Variants in KAZN observed in about 807,000 individuals in gnomAD.
KAZN encodes the protein kazrin.
KAZN carries 40 observed loss-of-function variants against 87.4 expected under a neutral mutation model. The ratio of observed to expected loss-of-function variants is 0.46; its 90% CI spans 0.36 to 0.60. The LOEUF (loss-of-function observed/expected upper bound fraction) is 0.60. Ranked by LOEUF, KAZN falls within the 20% of genes least tolerant of loss-of-function variation. KAZN has a pLI of 0.00. For missense variants in KAZN, 898 were observed against 1,073.9 expected, an observed-to-expected ratio of 0.84 and a Z score of 2.29; for synonymous variants, 466 against 458.3, an observed-to-expected ratio of 1.02 and a Z score of -0.22.
intron 1 of KAZN, among the ~76,000 whole-genome samples, chr1:14,635,845 ACCCAGCATGCCAGTGG>A (rs1679939326): frequency 1.3e-5 from 2 of 152,166 alleles, no homozygotes; most frequent in Non-Finnish European, 2.9e-5. Flanking sequence ...CCAGCCCTCT[ACCCAGCATGCCAGTGG>A]TGCCAAGGTT....
At chr1:14,528,175 TA>T (rs1027395179) in intron 2 of KAZN, among the ~76,000 whole-genome samples, 7 of 151,176 alleles carry the variant, frequency 4.6e-5, no homozygotes, top group African/African-American at 1.7e-4. Flanking sequence ...TCATCTCTAC[TA>T]AAAATACAAA....
chr1:14,907,136 C>G (rs2101341509), intron 1 of KAZN, among the ~76,000 whole-genome samples: 1 of 152,122 alleles, frequency 6.6e-6, no homozygotes, highest in East Asian at 1.9e-4. Context: ...TGGCTCATAC[C>G]TGTAATCCCA....
chr1:14,880,997 G>A (rs1653280082), intron 1 of KAZN, among the ~76,000 whole-genome samples: 1 of 152,202 alleles, frequency 6.6e-6, no homozygotes, highest in Admixed American at 6.5e-5. Flanking sequence ...AAAACAATGA[G>A]GTAAGAAAAC....
chr1:15,102,104 A>G (rs560211371), intron 11 of KAZN, among the ~76,000 whole-genome samples: 2 of 152,334 alleles, frequency 1.3e-5, no homozygotes, highest in South Asian at 4.1e-4. Flanking sequence ...AGAGAGAACC[A>G]CAAGGAAGCT....
chr1:14,665,482 T>C (rs1016230170), intron 1 of KAZN, among the ~76,000 whole-genome samples: 1 of 152,156 alleles, frequency 6.6e-6, no homozygotes, highest in African/African-American at 2.4e-5. Flanking sequence ...GCTATACATT[T>C]ATATTTGCTG....
intron 8 of KAZN, among the ~76,000 whole-genome samples, chr1:15,068,535 G>A (rs1019334445): frequency 9.2e-5 from 14 of 151,920 alleles, no homozygotes; most frequent in African/African-American, 3.1e-4. Context: ...GTTACTTCCC[G>A]CAGACCTCCG....
chr1:14,569,320 C>CTTTTTTTTTTTTTTTTTTTTT lies in KAZN; in HGVS notation c.250-29643_250-29642insTTTTTTTTTTTTTTTTTTTTT, dbSNP rs35144232. ...TCCTCTACCTCCTCTACTTCCTCTG[C>CTTTTTTTTTTTTTTTTTTTTT]TTTTTTTTTTTTTTTTTTTTGAGAC... On this transcript the variant is annotated intron_variant, in intron 2 of 16. Coordinates refer to the KAZN transcript ENST00000636203. Among the ~76,000 whole-genome samples, 3 of 92,322 alleles carry CTTTTTTTTTTTTTTTTTTTTT rather than the reference C, an allele frequency of 3.2e-5. 1 individual carries two copies. The highest frequency in any genetic ancestry group is 1.4e-4 in the African/African-American group (3 of 22,062). The allele number at this position is 92,322 out of a possible 152,430, so 60.6% of individuals were successfully genotyped here.
At chr1:14,371,078 A>G (rs1660441276) in intron 2 of KAZN, among the ~76,000 whole-genome samples, 1 of 152,168 alleles carries the variant, frequency 6.6e-6, no homozygotes, top group South Asian at 2.1e-4. Context: ...AGCCTCTAGC[A>G]TAGTTGTTCT....
At chr1:14,728,395 T>C (rs1422827639) in intron 1 of KAZN, among the ~76,000 whole-genome samples, 2 of 150,658 alleles carry the variant, frequency 1.3e-5, no homozygotes, top group East Asian at 2.0e-4. Context: ...GCAAATAAGA[T>C]GAAGCTTCAC....
intron 1 of KAZN, among the ~76,000 whole-genome samples, chr1:14,077,716 T>A (rs1643515826): frequency 6.6e-6 from 1 of 152,202 alleles, no homozygotes; most frequent in Admixed American, 6.5e-5. Context: ...GTGAATGTGA[T>A]CTTATTTAGG....
At chr1:14,312,998 ATATTGTTTCAAGCTAC>A (rs147314562) in intron 2 of KAZN, among the ~76,000 whole-genome samples, 3,859 of 152,270 alleles carry the variant, frequency 0.025, 173 homozygotes, top group African/African-American at 0.088. Flanking sequence ...GAGATTGTAA[ATATTGTTTCAAGCTAC>A]TACATTTTGG....
At chr1:14,609,880 C>T (rs1342269462) in intron 1 of KAZN, among the ~76,000 whole-genome samples, 1 of 152,234 alleles carries the variant, frequency 6.6e-6, no homozygotes, top group Non-Finnish European at 1.5e-5. Flanking sequence ...ACCAACTTCC[C>T]CTCCCTTTCT....
At chr1:14,683,611 C>T (rs1317824075) in intron 1 of KAZN, among the ~76,000 whole-genome samples, 4 of 152,170 alleles carry the variant, frequency 2.6e-5, no homozygotes, top group East Asian at 1.9e-4. Context: ...TATTCACGAC[C>T]CATTTATTAA....
chr1:14,792,326 C>A (rs1017467314), intron 1 of KAZN, among the ~76,000 whole-genome samples: 1 of 152,148 alleles, frequency 6.6e-6, no homozygotes, highest in African/African-American at 2.4e-5. Context: ...TGCAAAAAAC[C>A]CAAATGTCCA....
chr1:14,285,978 A>G (rs1349379188), intron 2 of KAZN, among the ~76,000 whole-genome samples: 1 of 152,118 alleles, frequency 6.6e-6, no homozygotes, highest in African/African-American at 2.4e-5. Flanking sequence ...TCAAGAATGC[A>G]CAGGGGCTCA....
chr1:14,019,435 T>C (rs1640723759), intron 1 of KAZN, among the ~76,000 whole-genome samples: 1 of 152,194 alleles, frequency 6.6e-6, no homozygotes, highest in African/African-American at 2.4e-5. Flanking sequence ...GGGGTATTTA[T>C]GGTCACTCTT....
At chr1:14,070,464 T>G (rs891986098) in intron 1 of KAZN, among the ~76,000 whole-genome samples, 13 of 152,124 alleles carry the variant, frequency 8.5e-5, no homozygotes, top group Admixed American at 3.3e-4. Flanking sequence ...GCAAGAATAA[T>G]TCAAAGGCAG....
In KAZN at chr1:14,360,398, C is replaced by A. The variant is rs191995764; in HGVS notation, c.249+179806C>A. ...ATTGGGTTAGAACATGCTTCTTTAGCTTGGAGGAGTTTGTTATTACACACA... is the reference window on the plus strand; with the variant it reads ...ATTGGGTTAGAACATGCTTCTTTAGATTGGAGGAGTTTGTTATTACACACA... On this transcript the variant is annotated intron_variant, in intron 2 of 16. Coordinates refer to the KAZN transcript ENST00000636203. Among the ~76,000 whole-genome samples the A allele has an allele frequency of 4.6e-5, 7 of 152,220 alleles. No individual in the cohort carries two copies. The East Asian group carries it at 1.4e-3, about 29-fold the overall frequency.
chr1:14,171,094 A>G (rs1645945869), intron 1 of KAZN, among the ~76,000 whole-genome samples: 2 of 152,226 alleles, frequency 1.3e-5, no homozygotes, highest in African/African-American at 4.8e-5. Context: ...TTCTAGATTC[A>G]TCCACATTCT....
Sources: allele counts gnomAD v4.1 joint callset (sites outside exome capture counted in the v4.1 genomes callset), GRCh38; gene constraint gnomAD v4.1.1; transcripts MANE v1.5; gene names NCBI Gene and HGNC (gene_info 2026-07-23, HGNC 2026-07-21).